Variants in PPP2R2D observed in about 807,000 individuals in gnomAD.
PPP2R2D encodes the protein serine/threonine-protein phosphatase 2A 55 kDa regulatory subunit B delta isoform.
PPP2R2D carries 9 observed loss-of-function variants against 31.1 expected under a neutral mutation model. The observed-to-expected ratio is 0.29, with a 90% CI of 0.17 to 0.51. The LOEUF is 0.51. PPP2R2D is among the 20% of genes least tolerant of loss of function. PPP2R2D has a pLI of 0.98. For missense variants in PPP2R2D, 391 were observed against 465.6 expected (o/e 0.84, Z 1.48); for synonymous variants, 179 against 172.6 (o/e 1.04, Z -0.29).
At chr10:131,903,722 A>G (rs1253010273) in intron 2 of PPP2R2D, among the ~76,000 whole-genome samples, 1 of 152,222 alleles carries the variant, frequency 6.6e-6, no homozygotes, top group Non-Finnish European at 1.5e-5. Flanking sequence ...ACCCATCCAG[A>G]TTAACACATT....
chr10:131,970,123 G>A, the PPP2R2D span: 5,226 of 154,512 alleles, frequency 0.034, 126 homozygotes, highest in Middle Eastern at 0.083. The surrounding 1 kb of genome is among the most constrained non-coding windows in gnomAD (Gnocchi z 4.1). Context: ...AGGCTGCAGT[G>A]AGCCGAGATC....
intron 2 of PPP2R2D, among the ~76,000 whole-genome samples, chr10:131,918,980 G>A (rs1169458511): frequency 2.1e-5 from 3 of 142,380 alleles, no homozygotes; most frequent in Non-Finnish European, 3.1e-5. Context: ...GAATGACACA[G>A]TGTTTGTAGG....
chr10:131,933,658 C>A (rs2036283126), intron 2 of PPP2R2D, among the ~76,000 whole-genome samples: 2 of 152,200 alleles, frequency 1.3e-5, no homozygotes, highest in South Asian at 2.1e-4. Context: ...GGAACTCCCC[C>A]TGAAAACAGA....
At chr10:131,933,539 A>G (rs1380183662) in intron 2 of PPP2R2D, among the ~76,000 whole-genome samples, 1 of 152,128 alleles carries the variant, frequency 6.6e-6, no homozygotes, top group African/African-American at 2.4e-5. Flanking sequence ...CACTGTGGCC[A>G]TAGGACAAGC....
chr10:131,952,092 G>T (rs1416227360), intron 8 of PPP2R2D, among the ~76,000 whole-genome samples: 2 of 148,232 alleles, frequency 1.3e-5, no homozygotes, highest in African/African-American at 5.0e-5. Flanking sequence ...TGACTTGCGG[G>T]TGTGCAGGGG....
At position 131,925,562 on chromosome 10, in the gene PPP2R2D, C is replaced by G. The variant is rs2036090495; in HGVS notation, c.101-8896C>G. Among the ~76,000 whole-genome samples, 3 of 152,236 alleles carry G rather than the reference C, an allele frequency of 2.0e-5. No homozygotes were observed. In the South Asian group the frequency reaches 6.2e-4, roughly 32 times the overall value. On this transcript the variant is annotated intron_variant, in intron 2 of 8. Coordinates refer to ENST00000455566, the MANE Select transcript of PPP2R2D (RefSeq NM_018461.5). Reference sequence around the variant, plus strand: ...AGAAATTTTTAGTTCTTTCTGACTTCTGTATTTTAGAATAATTTGCCACAA... The same window carrying G: ...AGAAATTTTTAGTTCTTTCTGACTTGTGTATTTTAGAATAATTTGCCACAA...
chr10:131,903,756 C>G (rs981726971), intron 2 of PPP2R2D, among the ~76,000 whole-genome samples: 35 of 152,152 alleles, frequency 2.3e-4, no homozygotes, highest in Admixed American at 1.8e-3. Flanking sequence ...CGATTTGTCC[C>G]ATAGTTGTGA....
At chr10:131,910,751 CAG>C (rs1351095556) in intron 2 of PPP2R2D, among the ~76,000 whole-genome samples, 3 of 152,174 alleles carry the variant, frequency 2.0e-5, no homozygotes, top group Non-Finnish European at 4.4e-5. Flanking sequence ...AGCTTCAGAA[CAG>C]GGGCTGGTCA....
In PPP2R2D at chr10:131,955,925, A is replaced by C. The variant is rs1589966253; in HGVS notation, c.1324A>C (p.Thr442Pro). The C allele has an allele frequency of 1.3e-6, 2 of 1,584,820 alleles. No homozygotes were observed. Among genetic ancestry groups the C allele is most frequent in the Non-Finnish European group, 1.7e-6 (2 of 1,163,184 alleles). Residue 442 changes from threonine (T) to proline (P), a missense_variant, in exon 9 of 9, where the codon ACC (threonine) becomes CCC (proline). By Grantham distance (38) the Thr-to-Pro change is conservative (BLOSUM62 -1). Around this residue, in one of 3 missense-constraint regions of PPP2R2D, gnomAD observed 163 missense variants for 179.5 expected, o/e 0.91. Coordinates refer to ENST00000455566, the MANE Select transcript of PPP2R2D (RefSeq NM_018461.5). ...GGACAATGTCATTGCCGTGGCTGCC[A>C]CCAATAACTTGTACATATTCCAGGA... ...PVDNVIAVAA[T>P]NNLYIFQDKI... is the part of the protein sequence containing the mutation.
In PPP2R2D at chr10:131,940,679, G is replaced by T. The variant is rs1006128767; in HGVS notation, c.462G>T (p.Arg154Ser). 1.2e-5 allele frequency: 9 copies of T among 777,314 alleles called. No individual in the cohort carries two copies. Among genetic ancestry groups the T allele is most frequent in the Non-Finnish European group, 1.7e-5 (7 of 416,412 alleles). 48.2% of individuals were successfully genotyped at this position (777,314 alleles called of 1,614,324 possible). A position where few individuals can be genotyped will look rare whatever the true frequency, so the allele number is the denominator to read the frequency against. The change falls in exon 5 of 9, where the codon AGG becomes AGT. Residue 154 changes from arginine (R) to serine (S), a missense_variant. Around this residue, in one of 3 missense-constraint regions of PPP2R2D, gnomAD observed 105 missense variants for 98.5 expected, o/e 1.07. Coordinates refer to ENST00000455566, the MANE Select transcript of PPP2R2D (RefSeq NM_018461.5). ...ATGGAAGACTTCGAGACCCATTTAG[G>T]ATCACGGCGCTACGGGTACACGTTG... Reference protein sequence around the residue: ...DEDGRLRDPFRITALRVPILK... With the variant: ...DEDGRLRDPFSITALRVPILK...
At chr10:131,970,746 C>G in the PPP2R2D span, 1 of 1,614,216 alleles carries the variant, frequency 6.2e-7, no homozygotes, top group Non-Finnish European at 8.5e-7. The surrounding 1 kb of genome is among the most constrained non-coding windows in gnomAD (Gnocchi z 4.1). Context: ...GTTCCTCATG[C>G]TGAGGGTGGC....
chr10:131,920,323 G>A (rs1470551106), intron 2 of PPP2R2D, among the ~76,000 whole-genome samples: 23 of 149,084 alleles, frequency 1.5e-4, no homozygotes, highest in Non-Finnish European at 1.0e-4. Context: ...GACCTCACGC[G>A]GGTGGAGTGA....
intron 2 of PPP2R2D, among the ~76,000 whole-genome samples, chr10:131,905,940 A>G (rs1302541841): frequency 3.3e-5 from 5 of 152,380 alleles, no homozygotes; most frequent in East Asian, 1.9e-4. Flanking sequence ...TTGAAGGCAA[A>G]TGAAAATGGA....
intron 2 of PPP2R2D, among the ~76,000 whole-genome samples, chr10:131,931,316 C>T (rs1321991181): frequency 6.6e-6 from 1 of 152,218 alleles, no homozygotes; most frequent in African/African-American, 2.4e-5. Flanking sequence ...TTTCCCGTCT[C>T]TCTTTGTTCA....
At chr10:131,917,140 GAC>G (rs1463752897) in intron 2 of PPP2R2D, among the ~76,000 whole-genome samples, 3 of 140,898 alleles carry the variant, frequency 2.1e-5, no homozygotes, top group African/African-American at 5.4e-5. Context: ...TGGGTGGAAT[GAC>G]ACAGTGTAGG....
At chr10:131,919,486 GTGTT>G (rs782295980) in intron 2 of PPP2R2D, among the ~76,000 whole-genome samples, 18 of 129,606 alleles carry the variant, frequency 1.4e-4, no homozygotes, top group Admixed American at 3.9e-4. Flanking sequence ...GAATGACACA[GTGTT>G]TGTACGGACC....
intron 2 of PPP2R2D, among the ~76,000 whole-genome samples, chr10:131,909,118 G>A (rs2035643425): frequency 1.3e-5 from 2 of 152,320 alleles, no homozygotes; most frequent in East Asian, 3.9e-4. Context: ...GGGAAGGGGA[G>A]GAGAATGTTC....
chr10:131,907,198 A>ATT (rs1196943842), intron 2 of PPP2R2D, among the ~76,000 whole-genome samples: 2 of 149,484 alleles, frequency 1.3e-5, no homozygotes, highest in Non-Finnish European at 3.0e-5. Context: ...ATTCATTTAT[A>ATT]TTTTTTTTTT....
At chr10:131,923,523 A>G (rs2036034607) in intron 2 of PPP2R2D, among the ~76,000 whole-genome samples, 1 of 152,144 alleles carries the variant, frequency 6.6e-6, no homozygotes, top group Non-Finnish European at 1.5e-5. Context: ...GAACTGCCAA[A>G]CAGTTTCCCA....
Sources: gnomAD v4.1 joint callset for allele counts (sites outside exome capture counted in the v4.1 genomes callset) on GRCh38, gnomAD v4.1.1 for gene constraint, gnomAD v4.1.1 regional missense constraint, Gnocchi (gnomAD v3.1) non-coding constraint, MANE v1.5 for transcripts, NCBI Gene and HGNC (gene_info 2026-07-23, HGNC 2026-07-21) for gene names.